ME2: variants seen among roughly 807,000 people sequenced by gnomAD.
ME2 encodes the protein NAD-dependent malic enzyme, mitochondrial.
ME2 carries 60 observed loss-of-function variants against 73.7 expected under a neutral mutation model. The ratio of observed to expected loss-of-function variants is 0.81; its 90% CI spans 0.66 to 1.01. The LOEUF (loss-of-function observed/expected upper bound fraction) is 1.01, where lower values mean the gene tolerates loss of function less well. ME2 is among the 50% of genes least tolerant of loss of function. The pLI, the probability that ME2 is intolerant of heterozygous loss-of-function variation, is 0.00. For synonymous variants in ME2, 199 were observed against 236.9 expected (o/e 0.84, Z 1.47); for missense variants, 594 against 705.5 (o/e 0.84, Z 1.79).
intron 1 of ME2, among the ~76,000 whole-genome samples, chr18:50,890,223 A>G (rs1045780317): frequency 4.6e-5 from 7 of 152,146 alleles, no homozygotes; most frequent in African/African-American, 1.7e-4. Context: ...TTTTATTAAT[A>G]CTACACAAAA....
intron 12 of ME2, among the ~76,000 whole-genome samples, chr18:50,927,079 A>G (rs1917569963): frequency 6.6e-6 from 1 of 152,184 alleles, no homozygotes; most frequent in South Asian, 2.1e-4. Flanking sequence ...GATCTTTGAC[A>G]CTACCACGGG....
chr18:50,916,110 A>AAATAT, intron 4 of ME2, 58 bp from the exon 5 acceptor site: 1 of 1,182,174 alleles, frequency 8.5e-7, no homozygotes, highest in Non-Finnish European at 1.2e-6. Context: ...TCAATTATGA[A>AAATAT]CAAAAACTTA....
At chr18:50,913,860 T>TATATACACACACACAC (rs112137080) in intron 4 of ME2, among the ~76,000 whole-genome samples, 34 of 143,284 alleles carry the variant, frequency 2.4e-4, no homozygotes, top group South Asian at 9.3e-4. Context: ...AGCAATATTA[T>TATATACACACACACAC]ACACACACAC....
chr18:50,931,551 G>A (rs1057360462), intron 12 of ME2, among the ~76,000 whole-genome samples: 10 of 152,078 alleles, frequency 6.6e-5, no homozygotes, highest in African/African-American at 1.7e-4. Context: ...TAGTTTTAGC[G>A]GATATATAGT....
At chr18:50,907,890 T>G (rs1426143957) in intron 2 of ME2, among the ~76,000 whole-genome samples, 173 bp from the exon 3 acceptor site, 2 of 152,232 alleles carry the variant, frequency 1.3e-5, no homozygotes, top group East Asian at 3.8e-4. Flanking sequence ...TGAGAATAAC[T>G]ATTTTCCACA....
In ME2 at chr18:50,891,341, CT is replaced by C. The variant is rs543070204; in HGVS notation, c.-12-4465del. The stretch of plus-strand genomic sequence containing the variant: ...CCAGACTACAAGGTGGAGTGGCCTT[CT>C]TTATAAATCCCACAGGGGATCCAAA... On this transcript the variant is annotated intron_variant, in intron 1 of 15. Transcript: ENST00000321341. Among the ~76,000 whole-genome samples the C allele has an allele frequency of 1.1e-4, 16 of 152,254 alleles. No individual in the cohort carries two copies. The South Asian group carries it at 3.3e-3, about 32-fold the overall frequency.
intron 12 of ME2, among the ~76,000 whole-genome samples, chr18:50,930,696 T>C (rs1330439597): frequency 2.0e-5 from 3 of 152,202 alleles, no homozygotes; most frequent in South Asian, 2.1e-4. Flanking sequence ...GAACATTTTT[T>C]CCATGATGTG....
intron 6 of ME2, 104 bp from the exon 7 acceptor site, chr18:50,918,006 A>G (rs752245643): frequency 6.8e-5 from 43 of 634,088 alleles, no homozygotes; most frequent in Non-Finnish European, 8.7e-5. Context: ...AGGGCAATAC[A>G]TTTAAAAAAT....
rs57428974 is a variant in ME2, at chr18:50,941,353, CTTTTTTTTTTTTTTT to C, written c.1587+984_1587+998del. Among the ~76,000 whole-genome samples the C allele has an allele frequency of 9.4e-3, 602 of 63,872 alleles. 9 individuals carry two copies. Among genetic ancestry groups the C allele is most frequent in the African/African-American group, 0.045 (556 of 12,454 alleles). The allele number at this position is 63,872 out of a possible 152,430, so 41.9% of individuals were successfully genotyped here. A position where few individuals can be genotyped will look rare whatever the true frequency, so the allele number is the denominator to read the frequency against. ...TCTTTGTGTGTATTTGTGATGGTTTCTTTTTTTTTTTTTTTTTTTTTTTTTTTTTTTGAGACAGAG... is the reference window on the plus strand; with the variant it reads ...TCTTTGTGTGTATTTGTGATGGTTTCTTTTTTTTTTTTTTTTGAGACAGAG... On this transcript the variant is annotated intron_variant, in intron 15 of 15. Coordinates refer to ENST00000321341, the MANE Select transcript of ME2 (RefSeq NM_002396.5).
intron 1 of ME2, among the ~76,000 whole-genome samples, chr18:50,894,706 TA>T (rs1318667206): frequency 6.6e-6 from 1 of 151,104 alleles, no homozygotes; most frequent in African/African-American, 2.4e-5. Flanking sequence ...CCTTATATAC[TA>T]AAAATAAAAA....
intron 15 of ME2, among the ~76,000 whole-genome samples, chr18:50,941,353 C>CTGTTTTTTTTTTTTT (rs1917952096): frequency 1.6e-5 from 1 of 63,820 alleles, no homozygotes; most frequent in African/African-American, 8.1e-5. Flanking sequence ...GTGATGGTTT[C>CTGTTTTTTTTTTTTT]TTTTTTTTTT....
chr18:50,895,677 C>T (rs1398636722), intron 1 of ME2, 132 bp from the exon 2 acceptor site: 13 of 615,582 alleles, frequency 2.1e-5, no homozygotes, highest in Admixed American at 9.1e-5. Context: ...TTTTCACCTT[C>T]GCCTCTTGTT....
rs766090210 is a variant in ME2 at position 50,925,783 on chromosome 18, C to G, written c.1199C>G (p.Thr400Ser). 5.0e-6 allele frequency: 8 copies of G among 1,613,850 alleles called. No homozygotes were observed. The highest frequency in any genetic ancestry group is 6.8e-6 in the Non-Finnish European group (8 of 1,179,886). The change falls in exon 12 of 16, where the codon ACT (threonine) becomes AGT (serine). Residue 400 changes from threonine (T) to serine (S), a missense_variant. Coordinates refer to ENST00000321341, the MANE Select transcript of ME2 (RefSeq NM_002396.5). ...IGVAGAGRLFTPDVIRAMASI... is the reference protein window; with the variant it reads ...IGVAGAGRLFSPDVIRAMASI... Reference sequence around the variant, plus strand: ...GTTGCAGGTGCTGGCCGTCTTTTCACTCCTGATGTAATCAGAGCCATGGCC... The same window carrying G: ...GTTGCAGGTGCTGGCCGTCTTTTCAGTCCTGATGTAATCAGAGCCATGGCC...
intron 4 of ME2, 141 bp from the exon 5 acceptor site, chr18:50,916,027 A>G (rs1790491): frequency 1.7e-6 from 1 of 596,936 alleles, no homozygotes; most frequent in South Asian, 2.3e-5. Flanking sequence ...TTGAAAATAA[A>G]CCAGTGTGAC....
At chr18:50,914,006 T>G (rs1477578586) in intron 4 of ME2, among the ~76,000 whole-genome samples, 1 of 152,172 alleles carries the variant, frequency 6.6e-6, no homozygotes, top group Non-Finnish European at 1.5e-5. Flanking sequence ...CGTGTAGAAA[T>G]TCAGTCTCCT....
At chr18:50,915,623 A>G (rs868141445) in intron 4 of ME2, 89 of 152,392 alleles carry the variant, frequency 5.8e-4, no homozygotes, top group African/African-American at 2.0e-3. Context: ...ATTTTCTAAC[A>G]CCCACATTGT....
intron 11 of ME2, among the ~76,000 whole-genome samples, chr18:50,925,118 C>T (rs1390914440): frequency 6.6e-6 from 1 of 151,938 alleles, no homozygotes; most frequent in Non-Finnish European, 1.5e-5. Context: ...AGCATAATGT[C>T]AAGTTTCATC....
chr18:50,941,682 G>GTT (rs11388576), intron 15 of ME2, among the ~76,000 whole-genome samples: 1,765 of 141,738 alleles, frequency 0.012, 33 homozygotes, highest in East Asian at 0.06. Context: ...GGCTGTGATG[G>GTT]TTTTTTTTTT....
chr18:50,883,550 C>T (rs766802394), intron 1 of ME2, among the ~76,000 whole-genome samples: 113 of 152,308 alleles, frequency 7.4e-4, no homozygotes, highest in Middle Eastern at 3.4e-3. Flanking sequence ...CAAGAAACCA[C>T]GGGCATATTC....
Sources: allele counts gnomAD v4.1 joint callset (sites outside exome capture counted in the v4.1 genomes callset), GRCh38; gene constraint gnomAD v4.1.1; transcripts MANE v1.5; gene names NCBI Gene and HGNC (gene_info 2026-07-23, HGNC 2026-07-21).